CYRIB: variants seen among roughly 807,000 people sequenced by gnomAD.
CYRIB encodes the protein CYFIP related Rac1 interactor B.
CYRIB carries 8 observed loss-of-function variants against 44.2 expected under a neutral mutation model. The ratio of observed to expected loss-of-function variants is 0.18; its 90% CI spans 0.11 to 0.33. The LOEUF is 0.33. Among genes scored for constraint, CYRIB ranks in the 10% least tolerant of loss-of-function variants. CYRIB has a pLI of 1.00. For missense variants in CYRIB, 185 were observed against 382.8 expected (o/e 0.48, Z 4.31); for synonymous variants, 131 against 127.2 (o/e 1.03, Z -0.20).
chr8:129,926,836 G>T (rs2088059465), intron 1 of CYRIB, among the ~76,000 whole-genome samples: 1 of 152,094 alleles, frequency 6.6e-6, no homozygotes, highest in South Asian at 2.1e-4. Context: ...ATATCTACTG[G>T]CTCCACACTC....
At chr8:129,907,993 C>T (rs2076292983) in intron 1 of CYRIB, among the ~76,000 whole-genome samples, 1 of 151,742 alleles carries the variant, frequency 6.6e-6, no homozygotes, top group South Asian at 2.1e-4. Flanking sequence ...CAGAGTAAGA[C>T]TCTGTTCAAA....
chr8:129,899,706 G>A (rs1018142787), intron 2 of CYRIB, among the ~76,000 whole-genome samples: 1 of 152,174 alleles, frequency 6.6e-6, no homozygotes, highest in African/African-American at 2.4e-5. Context: ...GGTAAAGGAA[G>A]ACAAAGGTTT....
At chr8:129,986,838 G>A (rs2096472362) in intron 1 of CYRIB, among the ~76,000 whole-genome samples, 1 of 152,194 alleles carries the variant, frequency 6.6e-6, no homozygotes, top group African/African-American at 2.4e-5. Flanking sequence ...AGCAAATCCA[G>A]CACTGCATGC....
chr8:129,940,575 C>CAA (rs1366866870), upstream of CYRIB, among the ~76,000 whole-genome samples: 5 of 152,144 alleles, frequency 3.3e-5, no homozygotes, highest in African/African-American at 1.2e-4. Context: ...TCCCTAATTC[C>CAA]CCTTTCACTC....
chr8:129,919,928 C>CA (rs2082667945), intron 1 of CYRIB, among the ~76,000 whole-genome samples: 1 of 151,824 alleles, frequency 6.6e-6, no homozygotes, highest in South Asian at 2.1e-4. Flanking sequence ...CTAATAAATA[C>CA]AAAACTGCAC....
chr8:129,921,968 GGAAGAGGTCAGA>G (rs1279064100), intron 1 of CYRIB, among the ~76,000 whole-genome samples: 1 of 151,816 alleles, frequency 6.6e-6, no homozygotes, highest in Non-Finnish European at 1.5e-5. Flanking sequence ...TGGAGTTCAG[GGAAGAGGTCAGA>G]TCACAAATAC....
At chr8:129,904,630 T>G (rs2074251856) in intron 1 of CYRIB, 45 bp from the exon 3 acceptor site, 1 of 152,228 alleles carries the variant, frequency 6.6e-6, no homozygotes, top group Non-Finnish European at 1.5e-5. Context: ...GGAGTGAAAC[T>G]AGGTCAAGAC....
At chr8:129,860,386 A>G (rs1163521421) in intron 5 of CYRIB, among the ~76,000 whole-genome samples, 3 of 152,252 alleles carry the variant, frequency 2.0e-5, no homozygotes, top group African/African-American at 7.2e-5. Context: ...AGTAGAGAAG[A>G]CAACCAAGAC....
At chr8:129,972,714 C>T (rs1224354358) in intron 1 of CYRIB, among the ~76,000 whole-genome samples, 1 of 152,026 alleles carries the variant, frequency 6.6e-6, no homozygotes, top group African/African-American at 2.4e-5. Flanking sequence ...ACATCCCATG[C>T]ACACACCCCA....
At chr8:129,991,553 T>C (rs2096633570) in intron 1 of CYRIB, among the ~76,000 whole-genome samples, 2 of 152,092 alleles carry the variant, frequency 1.3e-5, no homozygotes, top group Admixed American at 1.3e-4. Context: ...CACCATGTGA[T>C]GCCCTGCACA....
chr8:130,012,707 T>A (rs2097254205), intron 1 of CYRIB, among the ~76,000 whole-genome samples: 1 of 152,080 alleles, frequency 6.6e-6, no homozygotes, highest in Admixed American at 6.5e-5. Context: ...AGCCAGGATG[T>A]GAACCCAGGC....
intron 2 of CYRIB, among the ~76,000 whole-genome samples, chr8:129,964,586 G>C (rs553034519): frequency 1.3e-5 from 2 of 152,230 alleles, no homozygotes; most frequent in South Asian, 4.1e-4. Context: ...CCATTTTCTT[G>C]AAAATGGGAT....
At chr8:129,986,437 T>C (rs1360985213) in intron 1 of CYRIB, among the ~76,000 whole-genome samples, 1 of 152,208 alleles carries the variant, frequency 6.6e-6, no homozygotes, top group Non-Finnish European at 1.5e-5. Flanking sequence ...TGTTGAAACT[T>C]AATCCCCAAT....
intron 2 of CYRIB, among the ~76,000 whole-genome samples, chr8:129,887,420 T>C (rs984114201): frequency 6.6e-6 from 1 of 152,230 alleles, no homozygotes. Context: ...GAAGGTACAC[T>C]GCAGGGGCAG....
chr8:129,919,023 A>G (rs935599688), intron 1 of CYRIB, among the ~76,000 whole-genome samples: 1 of 152,224 alleles, frequency 6.6e-6, no homozygotes, highest in Admixed American at 6.5e-5. Flanking sequence ...GATAGTTTTT[A>G]AATTATTTTA....
At chr8:129,853,106 G>A (rs1186654183) in intron 7 of CYRIB, among the ~76,000 whole-genome samples, 2 of 152,088 alleles carry the variant, frequency 1.3e-5, no homozygotes, top group East Asian at 3.8e-4. Context: ...AAAGGGGGAT[G>A]GAGAAGACAT....
intron 1 of CYRIB, among the ~76,000 whole-genome samples, chr8:129,985,925 C>T (rs1471725071): frequency 2.0e-5 from 3 of 152,182 alleles, no homozygotes; most frequent in African/African-American, 4.8e-5. Flanking sequence ...CACTTCCCAC[C>T]GGCATGGCTG....
chr8:130,013,389 G>A (rs1047965299), intron 1 of CYRIB, among the ~76,000 whole-genome samples: 1 of 152,192 alleles, frequency 6.6e-6, no homozygotes, highest in Non-Finnish European at 1.5e-5. Context: ...GGAGCCCTGG[G>A]AGACCAACGG....
chr8:129,964,060 G>A (rs145988078), intron 2 of CYRIB, among the ~76,000 whole-genome samples: 48 of 152,258 alleles, frequency 3.2e-4, no homozygotes, highest in African/African-American at 1.1e-3. Flanking sequence ...AACATTTCCT[G>A]ATGGGTTAGA....
Sources: allele counts gnomAD v4.1 joint callset (sites outside exome capture counted in the v4.1 genomes callset), GRCh38; gene constraint gnomAD v4.1.1; transcripts MANE v1.5; gene names NCBI Gene and HGNC (gene_info 2026-07-23, HGNC 2026-07-21).